The following PTPRM variants were observed in gnomAD, a reference collection of about 807,000 sequenced individuals.
The protein encoded by PTPRM is protein tyrosine phosphatase receptor type M, also known as receptor-type tyrosine-protein phosphatase mu.
A neutral mutation model predicts 186.7 loss-of-function variants in PTPRM; 47 were observed. The observed-to-expected ratio is 0.25, with a 90% CI of 0.20 to 0.32. PTPRM has a LOEUF of 0.32. Among genes scored for constraint, PTPRM ranks in the 10% least tolerant of loss-of-function variants. The pLI is 1.00. For missense variants in PTPRM, 1,494 were observed against 1,865.0 expected (o/e 0.80, Z 3.66); for synonymous variants, 668 against 674.9 (o/e 0.99, Z 0.16).
At chr18:8,106,598 G>A (rs900414360) in intron 11 of PTPRM, among the ~76,000 whole-genome samples, 3 of 152,204 alleles carry the variant, frequency 2.0e-5, no homozygotes, top group Non-Finnish European at 2.9e-5. Context: ...TGCTTTTCAA[G>A]GACGGGGCAG....
chr18:7,781,215 A>C (rs1307097818), intron 2 of PTPRM, among the ~76,000 whole-genome samples: 1 of 152,208 alleles, frequency 6.6e-6, no homozygotes, highest in African/African-American at 2.4e-5. Flanking sequence ...AATAGAAGAT[A>C]TAAATCTTCA....
intron 1 of PTPRM, among the ~76,000 whole-genome samples, chr18:7,613,122 GCT>G (rs922882367): frequency 2.6e-5 from 4 of 152,130 alleles, no homozygotes; most frequent in Admixed American, 2.6e-4. Context: ...AGATAGGTTT[GCT>G]TATGACCTCA....
At chr18:8,123,932 A>G (rs1033902804) in intron 13 of PTPRM, among the ~76,000 whole-genome samples, 14 of 152,328 alleles carry the variant, frequency 9.2e-5, no homozygotes, top group African/African-American at 3.1e-4. Context: ...AGCTTTACCT[A>G]TAATCCACTA....
intron 7 of PTPRM, among the ~76,000 whole-genome samples, chr18:8,028,533 A>G (rs906425994): frequency 1.3e-5 from 2 of 152,236 alleles, no homozygotes; most frequent in African/African-American, 2.4e-5. Context: ...GGCATTTTCA[A>G]TATGAACTGT....
intron 5 of PTPRM, among the ~76,000 whole-genome samples, chr18:7,943,241 GTTTC>G (rs1338887926): frequency 6.6e-6 from 1 of 151,988 alleles, no homozygotes. Flanking sequence ...ATGTTTTCCT[GTTTC>G]TTTCTTCTGT....
rs1192065541 is a variant in PTPRM, at chr18:8,270,800, A to G, written c.2754+17386A>G. On this transcript the variant is annotated intron_variant, in intron 19 of 32. Coordinates refer to ENST00000580170, the MANE Select transcript of PTPRM (RefSeq NM_001105244.2). ...TTTACTTACATGTGGAATCTAAAAA[A>G]GTCATAGAAACAGAGTAGAACGATG... Among the ~76,000 whole-genome samples, 2 of 152,194 alleles carry G rather than the reference A, an allele frequency of 1.3e-5. 1 individual carries two copies. The highest frequency in any genetic ancestry group is 4.1e-4 in the South Asian group (2 of 4,832).
At chr18:8,148,514 T>G (rs2092933183) in intron 14 of PTPRM, among the ~76,000 whole-genome samples, 1 of 152,210 alleles carries the variant, frequency 6.6e-6, no homozygotes, top group Non-Finnish European at 1.5e-5. Context: ...TCTTTTTTTA[T>G]TACACATCTA....
chr18:8,393,942 C>A (rs749164842), intron 31 of PTPRM, among the ~76,000 whole-genome samples: 1 of 151,892 alleles, frequency 6.6e-6, no homozygotes, highest in African/African-American at 2.4e-5. Flanking sequence ...GCACCCGCCA[C>A]CACGCCCGGC....
intron 1 of PTPRM, among the ~76,000 whole-genome samples, chr18:7,720,492 T>C (rs1035184578): frequency 8.5e-5 from 13 of 152,142 alleles, no homozygotes; most frequent in African/African-American, 3.1e-4. Flanking sequence ...TGTGGTAAAA[T>C]CCATACTACA....
chr18:7,850,614 A>G (rs936804315), intron 2 of PTPRM, among the ~76,000 whole-genome samples: 6 of 152,178 alleles, frequency 3.9e-5, no homozygotes, highest in African/African-American at 1.2e-4. Context: ...TGGGACCTCA[A>G]AGGGTTTCAC....
rs199752648 is a variant in PTPRM, at chr18:8,092,060, AT to A, written c.1856+3219del. Among the ~76,000 whole-genome samples the A allele has an allele frequency of 1.6e-3, 236 of 151,328 alleles. 1 individual carries two copies. Among genetic ancestry groups the A allele is most frequent in the African/African-American group, 3.5e-3 (146 of 41,162 alleles). ...AAACCCATTTTTTTCAATTGATTTGATTTTTTTTTTAATCCGTATTCATTGA... is the reference window on the plus strand; with the variant it reads ...AAACCCATTTTTTTCAATTGATTTGATTTTTTTTTAATCCGTATTCATTGA... On this transcript the variant is annotated intron_variant, in intron 11 of 32. Coordinates refer to ENST00000580170, the MANE Select transcript of PTPRM (RefSeq NM_001105244.2).
intron 2 of PTPRM, among the ~76,000 whole-genome samples, chr18:7,818,120 A>G (rs2145573851): frequency 6.6e-6 from 1 of 152,258 alleles, no homozygotes; most frequent in Admixed American, 6.5e-5. Flanking sequence ...GAAGCTCTTC[A>G]TTAGAGTTGT....
chr18:8,046,382 A>G (rs1209765535), intron 7 of PTPRM, among the ~76,000 whole-genome samples: 1 of 152,240 alleles, frequency 6.6e-6, no homozygotes. Flanking sequence ...AACCTGAAAG[A>G]GAAGACAGTT....
chr18:8,348,024 A>T (rs1042128639), intron 23 of PTPRM, among the ~76,000 whole-genome samples: 1 of 152,200 alleles, frequency 6.6e-6, no homozygotes, highest in African/African-American at 2.4e-5. Context: ...GCTGTTTCCC[A>T]TTGTTAATCC....
intron 22 of PTPRM, among the ~76,000 whole-genome samples, chr18:8,325,168 T>G (rs2095368157): frequency 6.6e-6 from 1 of 152,218 alleles, no homozygotes; most frequent in Admixed American, 6.5e-5. Context: ...ATTTATTTAT[T>G]TTTTAACTTT....
chr18:7,813,103 G>C (rs1484870546), intron 2 of PTPRM, among the ~76,000 whole-genome samples: 4 of 152,210 alleles, frequency 2.6e-5, no homozygotes, highest in African/African-American at 9.6e-5. Flanking sequence ...CCTTTCTAGA[G>C]GGTCTCTTTC....
intron 2 of PTPRM, among the ~76,000 whole-genome samples, chr18:7,874,163 A>G (rs994459905): frequency 2.0e-5 from 3 of 152,190 alleles, no homozygotes; most frequent in Non-Finnish European, 4.4e-5. Flanking sequence ...TTATTTGTAT[A>G]TAAAGAAGTA....
intron 1 of PTPRM, among the ~76,000 whole-genome samples, chr18:7,593,704 A>T (rs894345313): frequency 6.6e-6 from 1 of 152,130 alleles, no homozygotes; most frequent in African/African-American, 2.4e-5. Flanking sequence ...TGCTTGAGGA[A>T]ATGGGCATTG....
intron 1 of PTPRM, among the ~76,000 whole-genome samples, chr18:7,589,325 G>A (rs1443346089): frequency 1.3e-5 from 2 of 152,162 alleles, no homozygotes; most frequent in Admixed American, 1.3e-4. Flanking sequence ...TATGAGGTCT[G>A]TTGAGAAACA....
Sources: gnomAD v4.1 joint callset for allele counts (sites outside exome capture counted in the v4.1 genomes callset) on GRCh38, gnomAD v4.1.1 for gene constraint, MANE v1.5 for transcripts, NCBI Gene and HGNC (gene_info 2026-07-23, HGNC 2026-07-21) for gene names.